IFI16: variants seen among roughly 807,000 people sequenced by gnomAD.
IFI16 encodes the protein interferon gamma inducible protein 16.
In IFI16, 49 loss-of-function variants were observed where a neutral mutation model predicts 68.4. The observed-to-expected ratio is 0.72, with a 90% CI of 0.57 to 0.91. The LOEUF is 0.91. IFI16 is among the 40% of genes least tolerant of loss of function. The probability of loss-of-function intolerance (pLI) is 0.00; values close to 1 mark genes in which losing one functional copy is unlikely to be tolerated. For synonymous variants in IFI16, 307 were observed against 315.0 expected, an observed-to-expected ratio of 0.97 and a Z score of 0.27; for missense variants, 878 against 942.9, an observed-to-expected ratio of 0.93 and a Z score of 0.90.
In IFI16 at chr1:159,054,858, A is replaced by G; in HGVS notation, c.2315A>G (p.Asn772Ser). 4 of 1,605,560 alleles carry G rather than the reference A, an allele frequency of 2.5e-6. No homozygotes were observed. The South Asian group carries it at 3.3e-5, about 13-fold the overall frequency. The stretch of plus-strand genomic sequence containing the variant: ...AGGAAAAACAAGAAAGACATACTCA[A>G]TCCTGATTCAAGTATGGAAACTTCA... ...KTRKNKKDIL[N>S]PDSSMETSPD... Residue 772 changes from asparagine to serine, a missense_variant, in exon 12 of 12, where the codon AAT becomes AGT. Asn to Ser is a conservative substitution (Grantham distance 46). Transcript: ENST00000295809.
intron 3 of IFI16, among the ~76,000 whole-genome samples, 197 bp downstream of exon 3, chr1:159,016,184 A>T (rs914993117): frequency 6.6e-6 from 1 of 152,242 alleles, no homozygotes; most frequent in African/African-American, 2.4e-5. Context: ...CATAATGTAA[A>T]TATATATAAC....
chr1:159,017,814 G>T (rs1385686884), intron 4 of IFI16, among the ~76,000 whole-genome samples: 1 of 152,124 alleles, frequency 6.6e-6, no homozygotes, highest in African/African-American at 2.4e-5. Context: ...CACCATGTTG[G>T]CCAGGCTGGT....
intron 2 of IFI16, chr1:159,015,570 C>T (rs546051315): frequency 2.4e-5 from 5 of 210,592 alleles, no homozygotes; most frequent in Admixed American, 1.1e-4. Context: ...ATCGGAGAAC[C>T]GCATTGGGAA....
At chr1:159,044,263 GC>G (rs1418858478) in intron 7 of IFI16, among the ~76,000 whole-genome samples, 1 of 152,154 alleles carries the variant, frequency 6.6e-6, no homozygotes, top group Admixed American at 6.5e-5. Context: ...TTCAAATGCA[GC>G]CTTATTGAAC....
rs184317803 is a variant in IFI16 at position 159,048,877 on chromosome 1, C to T, written c.1498-555C>T. On this transcript the variant is annotated intron_variant, in intron 8 of 11. Transcript: ENST00000295809. ...AATTGTTCTGAATACAGCTAAAAAC[C>T]CTGAAAGATTCTGATAGCCTGATCC... 1.0e-3 allele frequency among the ~76,000 whole-genome samples: 152 copies of T among 151,240 alleles called. 3 individuals are homozygous for T. Among genetic ancestry groups the T allele is most frequent in the South Asian group, 3.3e-3 (16 of 4,794 alleles).
At chr1:159,003,232 C>T (rs867654410), upstream of IFI16, among the ~76,000 whole-genome samples, 1 of 152,174 alleles carries the variant, frequency 6.6e-6, no homozygotes, top group Non-Finnish European at 1.5e-5. Context: ...TTTGTGTGAA[C>T]TTTCAGACTA....
chr1:159,028,931 T>C (rs1653829726), intron 6 of IFI16, among the ~76,000 whole-genome samples: 1 of 152,220 alleles, frequency 6.6e-6, no homozygotes, highest in South Asian at 2.1e-4. Flanking sequence ...TGGTGAATTC[T>C]TATTCATTTT....
At chr1:159,010,803 A>C (rs1652502119) in intron 1 of IFI16, among the ~76,000 whole-genome samples, 1 of 152,158 alleles carries the variant, frequency 6.6e-6, no homozygotes. Context: ...CCTGAAAGTT[A>C]ATGATTTTTT....
At chr1:159,039,376 C>T (rs1218469578) in intron 7 of IFI16, among the ~76,000 whole-genome samples, 1 of 152,124 alleles carries the variant, frequency 6.6e-6, no homozygotes, top group South Asian at 2.1e-4. Flanking sequence ...GATAGAGTCT[C>T]GCTGTCACCC....
Position 159,045,386 on chromosome 1 carries a change from C to T in IFI16, c.1419C>T (p.Thr473=), listed in dbSNP as rs1385885680. The T allele has an allele frequency of 1.3e-6, 2 of 1,587,584 alleles. No homozygotes were observed. Among genetic ancestry groups the T allele is most frequent in the Admixed American group, 3.4e-5 (2 of 58,350 alleles). Residue 473 remains threonine (T), a synonymous_variant, in exon 8 of 12, where the codon ACC becomes ACT. Coordinates refer to ENST00000295809, the MANE Select transcript of IFI16 (RefSeq NM_001376587.1). ...GTCATTTTCCAGGACCGTTCATGAC[C>T]AGCATAGGCCCAGCTGAGAGCCATC... ...EGSHFPGPFM[T]SIGPAESHPH...
intron 1 of IFI16, among the ~76,000 whole-genome samples, chr1:159,010,881 T>C (rs1162946813): frequency 6.6e-6 from 1 of 152,208 alleles, no homozygotes; most frequent in African/African-American, 2.4e-5. Flanking sequence ...TATTGTTTAC[T>C]TTTCAAATTT....
In IFI16 at chr1:159,018,385, C is replaced by G. The variant is rs747079320; in HGVS notation, c.706C>G (p.Gln236Glu). Reference protein sequence around the residue: ...KIMFHATVATQTQFFHVKVLN... With the variant: ...KIMFHATVATETQFFHVKVLN... ...AATGTTTCATGCTACAGTGGCTACACAGACACAGTTCTTCCATGTGAAGGT... is the reference window on the plus strand; with the variant it reads ...AATGTTTCATGCTACAGTGGCTACAGAGACACAGTTCTTCCATGTGAAGGT... Residue 236 changes from glutamine (Q) to glutamate (E), a missense_variant, in exon 5 of 12, where the codon CAG becomes GAG. Physicochemically the swap from Gln to Glu is conservative, Grantham distance 29. Around this residue, in one of 4 missense-constraint regions of IFI16, gnomAD observed 443 missense variants for 421.8 expected, o/e 1.05. Coordinates refer to ENST00000295809, the MANE Select transcript of IFI16 (RefSeq NM_001376587.1). 2 of 1,614,102 alleles carry G rather than the reference C, an allele frequency of 1.2e-6. No individual in the cohort carries two copies. The highest frequency in any genetic ancestry group is 1.7e-6 in the Non-Finnish European group (2 of 1,179,968).
At chr1:159,013,483 G>A (rs1260428064) in intron 1 of IFI16, among the ~76,000 whole-genome samples, 1 of 151,972 alleles carries the variant, frequency 6.6e-6, no homozygotes, top group East Asian at 1.9e-4. Flanking sequence ...AATAGCCCCT[G>A]AAATTTAGAT....
chr1:159,032,373 C>CAA (rs1654049319), intron 6 of IFI16, 151 bp from the exon 7 acceptor site: 1 of 438,432 alleles, frequency 2.3e-6, no homozygotes, highest in African/African-American at 2.0e-5. Context: ...AATATTCTGA[C>CAA]AATTGCCTGG....
chr1:159,051,563 T>A (rs1007682853), intron 9 of IFI16, 116 bp from the exon 10 acceptor site: 1 of 740,540 alleles, frequency 1.4e-6, no homozygotes, highest in Non-Finnish European at 2.3e-6. Flanking sequence ...TTCCCTACTT[T>A]ACCCAGTTAA....
chr1:159,012,881 T>C (rs1023978994), intron 1 of IFI16, among the ~76,000 whole-genome samples: 17 of 152,226 alleles, frequency 1.1e-4, no homozygotes, highest in African/African-American at 3.9e-4. Context: ...AAACTTTCCA[T>C]TGAAAATTTT....
chr1:159,030,100 T>C (rs907766104), intron 6 of IFI16, among the ~76,000 whole-genome samples: 5 of 152,164 alleles, frequency 3.3e-5, no homozygotes, highest in Non-Finnish European at 1.5e-5. Flanking sequence ...GCTAAGACTT[T>C]CCAGTGTGTT....
At chr1:159,036,585 CAT>C (rs1381586642) in intron 7 of IFI16, among the ~76,000 whole-genome samples, 2 of 152,186 alleles carry the variant, frequency 1.3e-5, no homozygotes, top group African/African-American at 4.8e-5. Context: ...TGAACTGTCT[CAT>C]ATATTTACAC....
Position 159,020,400 on chromosome 1 carries a change from T to A in IFI16, c.1032T>A (p.Asp344Glu). The A allele has an allele frequency of 6.2e-7, 1 of 1,612,912 alleles. No individual in the cohort carries two copies. The highest frequency in any genetic ancestry group is 8.5e-7 in the Non-Finnish European group (1 of 1,179,190). ...TTCAGGATGATAGAGGAAAAATGGA[T>A]GTAGTGGGGACAGGACAATGTCACA... ...YEIQDDRGKMDVVGTGQCHNI... is the reference protein window; with the variant it reads ...YEIQDDRGKMEVVGTGQCHNI... The change falls in exon 6 of 12, where the codon GAT becomes GAA. Residue 344 changes from aspartate (D) to glutamate (E), a missense_variant. Physicochemically the swap from Asp to Glu is conservative, Grantham distance 45. This residue lies in a region of IFI16 where 443 missense variants were observed against 421.8 expected (regional missense o/e 1.05). Transcript: ENST00000295809.
Sources: gnomAD v4.1 joint callset for allele counts (sites outside exome capture counted in the v4.1 genomes callset) on GRCh38, gnomAD v4.1.1 for gene constraint, gnomAD v4.1.1 regional missense constraint, MANE v1.5 for transcripts, NCBI Gene and HGNC (gene_info 2026-07-23, HGNC 2026-07-21) for gene names.